The following MED16 variants were observed in gnomAD, a reference collection of about 807,000 sequenced individuals.
The protein encoded by MED16 is mediator complex subunit 16, also known as mediator of RNA polymerase II transcription subunit 16.
In MED16, 81 loss-of-function variants were observed where a neutral mutation model predicts 84.4. The ratio of observed to expected loss-of-function variants is 0.96; its 90% CI spans 0.80 to 1.15. The LOEUF (loss-of-function observed/expected upper bound fraction) is 1.15. Ranked by LOEUF, MED16 falls within the 50% of genes most tolerant of loss-of-function variation. MED16 has a pLI of 0.00. For synonymous variants in MED16, 897 were observed against 552.2 expected, an observed-to-expected ratio of 1.62 and a Z score of -8.76; for missense variants, 1,585 against 1,245.9, an observed-to-expected ratio of 1.27 and a Z score of -4.10.
At chr19:889,554 T>A in intron 4 of MED16, 84 bp downstream of exon 4, 1 of 1,497,006 alleles carries the variant, frequency 6.7e-7, no homozygotes, top group South Asian at 1.3e-5. Context: ...GGGATGCTGG[T>A]GATGGAGAGG....
chr19:871,394 T>C (rs1162790064), intron 12 of MED16, 141 bp from the exon 13 acceptor site: 3 of 1,288,824 alleles, frequency 2.3e-6, no homozygotes, highest in East Asian at 5.1e-5. Flanking sequence ...GACCCCGGGG[T>C]TCTCTCACCA....
chr19:871,582 C>A lies in MED16; in HGVS notation c.2099-329G>T. The A allele has an allele frequency of 2.5e-6, 4 of 1,595,626 alleles. No homozygotes were observed. In the South Asian group the frequency reaches 4.4e-5, roughly 18 times the overall value. The stretch of plus-strand genomic sequence containing the variant: ...CCCTCCTCACATACACACAACCCGA[C>A]AAGGAGAGACAGCAAACAGGTGCCT... On this transcript the variant is annotated intron_variant, in intron 12 of 15. Transcript: ENST00000325464.
rs755031201 is a variant in MED16 at position 886,252 on chromosome 19, GC to G, written c.448-52del. The G allele has an allele frequency of 9.9e-6, 14 of 1,415,818 alleles. No homozygotes were observed. In the Admixed American group the frequency reaches 3.3e-4, roughly 34 times the overall value. 87.7% of individuals were successfully genotyped at this position (1,415,818 alleles called of 1,614,324 possible). On this transcript the variant is annotated intron_variant, in intron 4 of 15. Coordinates refer to ENST00000325464, the MANE Select transcript of MED16 (RefSeq NM_005481.3). ...GGGGCCGCTCAGGCTCATGGGGGCT[GC>G]CCCATGACCCCCAGAAACACGCGCA...
chr19:874,003 C>T (rs1004188921), intron 10 of MED16, among the ~76,000 whole-genome samples: 2 of 152,214 alleles, frequency 1.3e-5, no homozygotes, highest in Admixed American at 6.5e-5. Flanking sequence ...AGATGCCTCT[C>T]GGATGGTGAC....
At chr19:875,896 C>A (rs2036218595) in intron 9 of MED16, among the ~76,000 whole-genome samples, 2 of 152,134 alleles carry the variant, frequency 1.3e-5, no homozygotes, top group African/African-American at 4.8e-5. Flanking sequence ...TGGAGGATTC[C>A]TGGAGGCTGG....
rs1252241565 is a variant in MED16 at position 868,090 on chromosome 19, A to T, written c.*11T>A. ...CCGGGTCACCACAAGGTCCGCCTGG[A>T]CCCCCGGCCGTCACGGACGGTCCTC... On this transcript the variant is annotated 3_prime_UTR_variant, in exon 16 of 16. Transcript: ENST00000325464. The T allele has an allele frequency of 1.9e-6, 3 of 1,598,022 alleles. No homozygotes were observed. The Admixed American group carries it at 5.4e-5, about 29-fold the overall frequency.
At chr19:880,206 G>C in intron 7 of MED16, 58 bp from the exon 8 acceptor site, 1 of 1,491,782 alleles carries the variant, frequency 6.7e-7, no homozygotes, top group Non-Finnish European at 8.9e-7. Context: ...CCCGCCGGGG[G>C]AGGGGCCTCC....
rs1427878801 is a variant in MED16, at chr19:891,113, G to C, written c.19C>G (p.Pro7Ala). 6 of 1,613,434 alleles carry C rather than the reference G, an allele frequency of 3.7e-6. No individual in the cohort carries two copies. Among genetic ancestry groups the C allele is most frequent in the South Asian group, 2.2e-5 (2 of 91,012 alleles). ...AAGTCCATCATCCCACCTGCCGCTG[G>C]CCGCCGCAAATCACACATGAGGGCA... MCDLRR[P>A]AAGGMMDLAY... The change falls in exon 2 of 16, where the codon CCA becomes GCA. Residue 7 changes from proline (P) to alanine (A), a missense_variant. By Grantham distance (27) the Pro-to-Ala change is conservative (BLOSUM62 -1). Coordinates refer to ENST00000325464, the MANE Select transcript of MED16 (RefSeq NM_005481.3).
intron 8 of MED16, among the ~76,000 whole-genome samples, chr19:879,421 CCACCAA>C: frequency 7.0e-6 from 1 of 141,856 alleles, no homozygotes; most frequent in East Asian, 2.1e-4. Flanking sequence ...TTGTCAATGC[CCACCAA>C]CCCCAGCCCC....
At position 868,252 on chromosome 19, in the gene MED16, C is replaced by T. The variant is rs1395288878; in HGVS notation, c.2484-1G>A. On this transcript the variant is annotated splice_acceptor_variant, in intron 15 of 15. Coordinates refer to ENST00000325464, the MANE Select transcript of MED16 (RefSeq NM_005481.3). LOFTEE classifies it high-confidence loss of function. ...GTCCGGCCCACGGCCTTCAACAGCCCTGCAGGGCGGGCTGAGGTTAACCGC... is the reference window on the plus strand; with the variant it reads ...GTCCGGCCCACGGCCTTCAACAGCCTTGCAGGGCGGGCTGAGGTTAACCGC... 2 of 1,593,900 alleles carry T rather than the reference C, an allele frequency of 1.3e-6. No individual in the cohort carries two copies. Among genetic ancestry groups the T allele is most frequent in the Admixed American group, 3.5e-5 (2 of 56,514 alleles).
chr19:889,876 A>G, intron 3 of MED16, 69 bp from the exon 4 acceptor site: 1 of 1,507,700 alleles, frequency 6.6e-7, no homozygotes, highest in South Asian at 1.3e-5. Context: ...AGGACGGCAC[A>G]GCGCCTGGGG....
At chr19:873,607 A>C (rs1409089537) in intron 10 of MED16, 25 bp from the exon 11 acceptor site, 1 of 1,611,004 alleles carries the variant, frequency 6.2e-7, no homozygotes, top group Non-Finnish European at 8.5e-7. Flanking sequence ...GGGTCGGGTC[A>C]GCTCGGGCCT....
In MED16 at chr19:884,912, A is replaced by G; in HGVS notation, c.976T>C (p.Ser326Pro). Residue 326 changes from serine to proline, a missense_variant, in exon 6 of 16, where the codon TCC becomes CCC. Transcript: ENST00000325464. ...LPVNNIFQQI[S>P]PVVGDKQPTI... ...CCGGCGGGAGACTCACCCACGGGGG[A>G]GATCTGCTGGAAGATGTTGTTCACG... 1 of 1,606,934 alleles carries G rather than the reference A, an allele frequency of 6.2e-7. No homozygotes were observed. The highest frequency in any genetic ancestry group is 8.5e-7 in the Non-Finnish European group (1 of 1,178,330).
intron 12 of MED16, 165 bp downstream of exon 12, chr19:871,761 G>C (rs2036065734): frequency 1.5e-6 from 1 of 657,548 alleles, no homozygotes; most frequent in African/African-American, 2.9e-5. Flanking sequence ...GGTAGGGAGA[G>C]GGGAGCGGGG....
intron 7 of MED16, among the ~76,000 whole-genome samples, chr19:880,539 G>T (rs1325566843): frequency 1.3e-5 from 2 of 152,100 alleles, no homozygotes; most frequent in Non-Finnish European, 2.9e-5. Context: ...TCACACTGGG[G>T]TCTGCCATTG....
chr19:881,866 G>T (rs925612609), intron 6 of MED16, 152 bp from the exon 7 acceptor site: 5 of 945,012 alleles, frequency 5.3e-6, no homozygotes, highest in African/African-American at 1.7e-5. Flanking sequence ...GACCAGGCCC[G>T]GCCAATCCGA....
intron 2 of MED16, 104 bp from the exon 3 acceptor site, chr19:890,348 G>A (rs1002372336): frequency 7.9e-6 from 6 of 762,020 alleles, no homozygotes; most frequent in African/African-American, 1.8e-5. Context: ...TCCCACCCCA[G>A]GAAGGTCACA....
At position 870,656 on chromosome 19, in the gene MED16, G is replaced by T. The variant is rs182583402; in HGVS notation, c.2315+381C>A. Among the ~76,000 whole-genome samples, 555 of 152,102 alleles carry T rather than the reference G, an allele frequency of 3.6e-3. 1 individual carries two copies. Among genetic ancestry groups the T allele is most frequent in the Admixed American group, 7.5e-3 (114 of 15,278 alleles). ...GTGACACAGCAGAAGACACCACTAG[G>T]GGATGGAGTTAGGGGCACCTAGAAG... On this transcript the variant is annotated intron_variant, in intron 13 of 15. Transcript: ENST00000325464.
At chr19:871,532 T>G in intron 12 of MED16, 2 of 1,573,526 alleles carry the variant, frequency 1.3e-6, no homozygotes, top group South Asian at 1.1e-5. Flanking sequence ...TTCCAGACAC[T>G]GGGATGTAAG....
Sources: allele counts gnomAD v4.1 joint callset (sites outside exome capture counted in the v4.1 genomes callset), GRCh38; gene constraint gnomAD v4.1.1; transcripts MANE v1.5; gene names NCBI Gene and HGNC (gene_info 2026-07-23, HGNC 2026-07-21).